GPR171: variants seen among roughly 807,000 people sequenced by gnomAD.
GPR171 encodes the protein G protein-coupled receptor 171.
A neutral mutation model predicts 16.7 loss-of-function variants in GPR171; 14 were observed. The observed-to-expected ratio is 0.84, with a 90% CI of 0.55 to 1.31. GPR171 has a LOEUF of 1.31. Among genes scored for constraint, GPR171 ranks in the 40% most tolerant of loss-of-function variants. GPR171 has a pLI of 0.00. For synonymous variants in GPR171, 134 were observed against 135.6 expected (o/e 0.99, Z 0.08); for missense variants, 337 against 378.9 (o/e 0.89, Z 0.92).
chr3:151,203,027 C>G (rs931871042), intron 1 of GPR171, 77 bp downstream of exon 1: 1 of 151,922 alleles, frequency 6.6e-6, no homozygotes, highest in African/African-American at 2.4e-5. Context: ...TACTTATAAG[C>G]CTTAAATACT....
Position 151,198,609 on chromosome 3 carries a change from T to C in GPR171, c.778A>G (p.Arg260Gly). Residue 260 changes from arginine (R) to glycine (G), a missense_variant, in exon 3 of 3, where the codon AGG becomes GGG. By Grantham distance (125) the Arg-to-Gly change is moderately radical (BLOSUM62 -2). Transcript: ENST00000309180. ...QTEVITDCST[R>G]ISLFKAKEAT... is the part of the protein sequence containing the mutation. ...TCTTTGGCTTTGAAGAGTGAAATCCTGGTTGAGCAATCAGTTATGACTTCT... is the reference window on the plus strand; with the variant it reads ...TCTTTGGCTTTGAAGAGTGAAATCCCGGTTGAGCAATCAGTTATGACTTCT... The C allele has an allele frequency of 6.2e-7, 1 of 1,614,030 alleles. No homozygotes were observed. The highest frequency in any genetic ancestry group is 8.5e-7 in the Non-Finnish European group (1 of 1,179,922).
Position 151,199,376 on chromosome 3 carries a change from CTGTT to C in GPR171, c.7_10del (p.Asn3ValfsTer20). 6.2e-7 allele frequency: 1 copy of C among 1,607,388 alleles called. No individual in the cohort carries two copies. The highest frequency in any genetic ancestry group is 1.7e-5 in the Admixed American group (1 of 58,822). ...TTTATAAACTGGGCAGAAGAACGAA[CTGTT>C]TGTCATCTTGAGGGAAAGTAAGGAT... On this transcript the variant is annotated frameshift_variant, in exon 3 of 3. Coordinates refer to ENST00000309180, the MANE Select transcript of GPR171 (RefSeq NM_013308.4). LOFTEE classifies it high-confidence loss of function.
At position 151,200,995 on chromosome 3, in the gene GPR171, A is replaced by AC. The variant is rs945092667; in HGVS notation, c.-141dup. The stretch of plus-strand genomic sequence containing the variant: ...GAATCACATTCAAAACCACTCCAAA[A>AC]CACTGCCTCAGTAACAATAGTAAGA... On this transcript the variant is annotated splice_region_variant and 5_prime_UTR_variant, in exon 2 of 3. Coordinates refer to ENST00000309180, the MANE Select transcript of GPR171 (RefSeq NM_013308.4). 4 of 152,110 alleles carry AC rather than the reference A, an allele frequency of 2.6e-5. No homozygotes were observed. Among genetic ancestry groups the AC allele is most frequent in the African/African-American group, 9.7e-5 (4 of 41,420 alleles). 9.4% of individuals were successfully genotyped at this position (152,110 alleles called of 1,614,324 possible).
chr3:151,201,478 C>T (rs560268514), intron 1 of GPR171, among the ~76,000 whole-genome samples: 4 of 152,224 alleles, frequency 2.6e-5, no homozygotes, highest in South Asian at 2.1e-4. Context: ...GAAACTTTAT[C>T]GATAGCCTGT....
In GPR171 at chr3:151,199,193, A is replaced by C; in HGVS notation, c.194T>G (p.Leu65Arg). Residue 65 changes from leucine to arginine, a missense_variant, in exon 3 of 3, where the codon CTG becomes CGG. Leu to Arg is a moderately radical substitution (Grantham distance 102, BLOSUM62 -2). Coordinates refer to ENST00000309180, the MANE Select transcript of GPR171 (RefSeq NM_013308.4). ...NLLTADFLLT[L>R]ALPVKIVVDL... ...AACAACAATTTTCACTGGTAATGCC[A>C]GAGTAAGCAGGAAATCGGCTGTAAG... 6.2e-7 allele frequency: 1 copy of C among 1,614,162 alleles called. No homozygotes were observed. Among genetic ancestry groups the C allele is most frequent in the Non-Finnish European group, 8.5e-7 (1 of 1,179,968 alleles).
rs984760207 is a variant in GPR171, at chr3:151,198,339, T to G, written c.*88A>C. The G allele has an allele frequency of 2.3e-5, 24 of 1,022,514 alleles. 1 individual carries two copies. The South Asian group carries it at 3.0e-4, about 13-fold the overall frequency. The allele number at this position is 1,022,514 out of a possible 1,614,324, so 63.3% of individuals were successfully genotyped here. A position where few individuals can be genotyped will look rare whatever the true frequency, so the allele number is the denominator to read the frequency against. On this transcript the variant is annotated 3_prime_UTR_variant, in exon 3 of 3. Coordinates refer to ENST00000309180, the MANE Select transcript of GPR171 (RefSeq NM_013308.4). ...TGTATTTTTTCATACTGAGTTTTTT[T>G]TTGTTTTTTTTTTTTTTATCTTTCA...
intron 2 of GPR171, among the ~76,000 whole-genome samples, chr3:151,200,298 T>G (rs1725356962): frequency 6.6e-6 from 1 of 152,180 alleles, no homozygotes; most frequent in South Asian, 2.1e-4. Context: ...CTATTCAAAC[T>G]CACATGCTTA....
In GPR171 at chr3:151,199,167, C is replaced by T. The variant is rs755704657; in HGVS notation, c.220G>A (p.Asp74Asn). ...TLALPVKIVV[D>N]LGVAPWKLKI... is the part of the protein sequence containing the mutation. ...AGCTTCCAAGGTGCCACACCCAAGTCAACAACAATTTTCACTGGTAATGCC... is the reference window on the plus strand; with the variant it reads ...AGCTTCCAAGGTGCCACACCCAAGTTAACAACAATTTTCACTGGTAATGCC... The change falls in exon 3 of 3, where the codon GAC becomes AAC. Residue 74 changes from aspartate (D) to asparagine (N), a missense_variant. Transcript: ENST00000309180. 21 of 1,614,044 alleles carry T rather than the reference C, an allele frequency of 1.3e-5. No homozygotes were observed. Among genetic ancestry groups the T allele is most frequent in the Non-Finnish European group, 1.6e-5 (19 of 1,180,020 alleles).
At chr3:151,201,530 C>T (rs1016548669) in intron 1 of GPR171, among the ~76,000 whole-genome samples, 2 of 152,222 alleles carry the variant, frequency 1.3e-5, no homozygotes, top group Non-Finnish European at 2.9e-5. Context: ...AGGGCTGGCA[C>T]TGGTGTGTTC....
In GPR171 at chr3:151,199,116, C is replaced by A; in HGVS notation, c.271G>T (p.Ala91Ser). Residue 91 changes from alanine to serine, a missense_variant, in exon 3 of 3, where the codon GCC becomes TCC. Ala to Ser is a moderately conservative substitution (Grantham distance 99). Transcript: ENST00000309180. ...KLKIFHCQVT[A>S]CLIYINMYLS... is the part of the protein sequence containing the mutation. ...TACATATTGATATAGATGAGGCAGG[C>A]TGTTACTTGGCAGTGGAATATCTTC... The A allele has an allele frequency of 6.2e-7, 1 of 1,614,050 alleles. No homozygotes were observed. Among genetic ancestry groups the A allele is most frequent in the Non-Finnish European group, 8.5e-7 (1 of 1,179,920 alleles).
chr3:151,199,471 A>G, intron 2 of GPR171, 32 bp from the exon 3 acceptor site: 1 of 1,163,226 alleles, frequency 8.6e-7, no homozygotes, highest in South Asian at 1.5e-5. Context: ...GGAGGTTAGT[A>G]ATTAAAATTA....
chr3:151,202,607 T>C (rs973258508), intron 1 of GPR171, among the ~76,000 whole-genome samples: 3 of 152,098 alleles, frequency 2.0e-5, no homozygotes, highest in Non-Finnish European at 4.4e-5. Flanking sequence ...GATGTGGAGG[T>C]TGAAGTGAGC....
In GPR171 at chr3:151,198,836, C is replaced by T; in HGVS notation, c.551G>A (p.Cys184Tyr). The change falls in exon 3 of 3, where the codon TGT becomes TAT. Residue 184 changes from cysteine to tyrosine, a missense_variant. By Grantham distance (194) the Cys-to-Tyr change is radical. Transcript: ENST00000309180. ...RNWHLLTNFI[C>Y]VAIFLNFSAI... ...TGAGAAATTTAAAAATATTGCTACA[C>T]ATATGAAATTTGTCAGCAAATGCCA... 1 of 1,613,030 alleles carries T rather than the reference C, an allele frequency of 6.2e-7. No homozygotes were observed. Among genetic ancestry groups the T allele is most frequent in the Non-Finnish European group, 8.5e-7 (1 of 1,178,986 alleles).
Position 151,198,356 on chromosome 3 carries a change from T to A in GPR171, c.*71A>T, listed in dbSNP as rs952768734. The A allele has an allele frequency of 7.1e-5, 80 of 1,131,052 alleles. No homozygotes were observed. The highest frequency in any genetic ancestry group is 3.0e-4 in the Middle Eastern group (1 of 3,350). The allele number at this position is 1,131,052 out of a possible 1,614,324, so 70.1% of individuals were successfully genotyped here. On this transcript the variant is annotated 3_prime_UTR_variant, in exon 3 of 3. Transcript: ENST00000309180. ...AGTTTTTTTTTGTTTTTTTTTTTTTTATCTTTCAAAGCTATAATTAACTTT... is the reference window on the plus strand; with the variant it reads ...AGTTTTTTTTTGTTTTTTTTTTTTTAATCTTTCAAAGCTATAATTAACTTT...
At position 151,198,346 on chromosome 3, in the gene GPR171, T is replaced by G. The variant is rs544055081; in HGVS notation, c.*81A>C. 2.7e-3 allele frequency: 2,877 copies of G among 1,073,048 alleles called. 56 individuals are homozygous for G. The highest frequency in any genetic ancestry group is 3.4e-3 in the Non-Finnish European group (2,650 of 783,386). The allele number at this position is 1,073,048 out of a possible 1,614,324, so 66.5% of individuals were successfully genotyped here. A position where few individuals can be genotyped will look rare whatever the true frequency, so the allele number is the denominator to read the frequency against. Reference sequence around the variant, plus strand: ...TTTCATACTGAGTTTTTTTTTGTTTTTTTTTTTTTTATCTTTCAAAGCTAT... The same window carrying G: ...TTTCATACTGAGTTTTTTTTTGTTTGTTTTTTTTTTATCTTTCAAAGCTAT... On this transcript the variant is annotated 3_prime_UTR_variant, in exon 3 of 3. Transcript: ENST00000309180.
At position 151,199,111 on chromosome 3, in the gene GPR171, G is replaced by A. The variant is rs1725133310; in HGVS notation, c.276C>T (p.Cys92=). ...ATAAATACATATTGATATAGATGAG[G>A]CAGGCTGTTACTTGGCAGTGGAATA... ...LKIFHCQVTA[C]LIYINMYLSI... Residue 92 remains cysteine (C), a synonymous_variant, in exon 3 of 3, where the codon TGC becomes TGT. Coordinates refer to ENST00000309180, the MANE Select transcript of GPR171 (RefSeq NM_013308.4). 3 of 1,613,922 alleles carry A rather than the reference G, an allele frequency of 1.9e-6. No homozygotes were observed. The highest frequency in any genetic ancestry group is 2.5e-6 in the Non-Finnish European group (3 of 1,179,806).
chr3:151,198,184 G>T lies in GPR171; in HGVS notation c.*243C>A. 3.0e-6 allele frequency: 1 copy of T among 335,762 alleles called. No homozygotes were observed. Among genetic ancestry groups the T allele is most frequent in the African/African-American group, 2.1e-5 (1 of 47,412 alleles). 20.8% of individuals were successfully genotyped at this position (335,762 alleles called of 1,614,324 possible). On this transcript the variant is annotated 3_prime_UTR_variant, in exon 3 of 3. Coordinates refer to ENST00000309180, the MANE Select transcript of GPR171 (RefSeq NM_013308.4). ...AAGGATATTGCAGGATTTTACATTC[G>T]TTCAATGAGACTCTTTAGTTTTTTG... is the stretch of plus-strand genomic sequence containing the variant.
Position 151,198,197 on chromosome 3 carries a change from CT to C in GPR171, c.*229del. 1 of 386,258 alleles carries C rather than the reference CT, an allele frequency of 2.6e-6. No individual in the cohort carries two copies. Among genetic ancestry groups the C allele is most frequent in the Admixed American group, 4.1e-5 (1 of 24,488 alleles). The allele number at this position is 386,258 out of a possible 1,614,324, so 23.9% of individuals were successfully genotyped here. A position where few individuals can be genotyped will look rare whatever the true frequency, so the allele number is the denominator to read the frequency against. The stretch of plus-strand genomic sequence containing the variant: ...GATTTTACATTCGTTCAATGAGACT[CT>C]TTAGTTTTTTGTACAAATATTTGGG... On this transcript the variant is annotated 3_prime_UTR_variant, in exon 3 of 3. Coordinates refer to ENST00000309180, the MANE Select transcript of GPR171 (RefSeq NM_013308.4).
At position 151,198,729 on chromosome 3, in the gene GPR171, T is replaced by C; in HGVS notation, c.658A>G (p.Lys220Glu). The change falls in exon 3 of 3, where the codon AAG (lysine) becomes GAG (glutamate). Residue 220 changes from lysine (K) to glutamate (E), a missense_variant. Lys to Glu is a moderately conservative substitution (Grantham distance 56). Transcript: ENST00000309180. Reference protein sequence around the residue: ...KDNENYPNVKKALINILLVTT... With the variant: ...KDNENYPNVKEALINILLVTT... ...ACTAAAAGTATGTTGATGAGAGCCT[T>C]TTTCACATTTGGGTAATTTTCATTA... 6.2e-7 allele frequency: 1 copy of C among 1,613,638 alleles called. No individual in the cohort carries two copies. The highest frequency in any genetic ancestry group is 8.5e-7 in the Non-Finnish European group (1 of 1,179,520).
Sources: allele counts gnomAD v4.1 joint callset (sites outside exome capture counted in the v4.1 genomes callset), GRCh38; gene constraint gnomAD v4.1.1; transcripts MANE v1.5; gene names NCBI Gene and HGNC (gene_info 2026-07-23, HGNC 2026-07-21).